Variants in NEMF observed in about 807,000 individuals in gnomAD.
NEMF encodes ribosome quality control complex subunit NEMF.
In NEMF, 89 loss-of-function variants were observed where a neutral mutation model predicts 162.2. The ratio of observed to expected loss-of-function variants is 0.55; its 90% confidence interval spans 0.46 to 0.65. NEMF has a LOEUF of 0.65. NEMF is among the 30% of genes least tolerant of loss of function. The pLI is 0.00. For missense variants in NEMF, 1,133 were observed against 1,261.9 expected, an observed-to-expected ratio of 0.90 and a Z score of 1.55; for synonymous variants, 421 against 404.5, an observed-to-expected ratio of 1.04 and a Z score of -0.49.
chr14:49,823,255 T>C (rs1413237524), intron 16 of NEMF, among the ~76,000 whole-genome samples: 1 of 151,736 alleles, frequency 6.6e-6, no homozygotes, highest in African/African-American at 2.4e-5. Context: ...ATATATATAA[T>C]TTAAAAAAAT....
chr14:49,830,036 T>C (rs1390311638), intron 11 of NEMF, among the ~76,000 whole-genome samples: 1 of 152,242 alleles, frequency 6.6e-6, no homozygotes, highest in African/African-American at 2.4e-5. Flanking sequence ...AGGCTCATGG[T>C]AGTTATTTGG....
At chr14:49,791,049 C>T (rs1192435400) in intron 26 of NEMF, among the ~76,000 whole-genome samples, 1 of 152,062 alleles carries the variant, frequency 6.6e-6, no homozygotes, top group East Asian at 1.9e-4. Flanking sequence ...AAGCATGAGC[C>T]TTCTGGCTGG....
rs1308410275 is a variant in NEMF, at chr14:49,814,060, A to G, written c.1682-10T>C. ...TGTACATAAATGTCTCCTTAAATAC[A>G]GACAAATAAAAAATGACACTTTAAG... On this transcript the variant is annotated splice_polypyrimidine_tract_variant and intron_variant, in intron 17 of 32. Transcript: ENST00000298310. 4 of 1,482,196 alleles carry G rather than the reference A, an allele frequency of 2.7e-6. No homozygotes were observed. The highest frequency in any genetic ancestry group is 3.8e-6 in the Non-Finnish European group (4 of 1,062,844). The allele number at this position is 1,482,196 out of a possible 1,614,324, so 91.8% of individuals were successfully genotyped here.
Position 49,783,484 on chromosome 14 carries a change from C to CAAGT in NEMF, c.*1148_*1151dup, listed in dbSNP as rs1890012622. 1.3e-5 allele frequency: 2 copies of CAAGT among 151,568 alleles called. No individual in the cohort carries two copies. Among genetic ancestry groups the CAAGT allele is most frequent in the Admixed American group, 6.6e-5 (1 of 15,220 alleles). 9.4% of individuals were successfully genotyped at this position (151,568 alleles called of 1,614,324 possible). A position where few individuals can be genotyped will look rare whatever the true frequency, so the allele number is the denominator to read the frequency against. ...TAATGCTTCAGTGTAGGGGCTGGAG[C>CAAGT]AAGTGGTCATGCTGAATACAGGCAG... On this transcript the variant is annotated 3_prime_UTR_variant, in exon 33 of 33. Coordinates refer to ENST00000298310, the MANE Select transcript of NEMF (RefSeq NM_004713.6).
intron 26 of NEMF, among the ~76,000 whole-genome samples, chr14:49,795,336 T>C (rs1361107985): frequency 1.7e-5 from 1 of 58,356 alleles, no homozygotes; most frequent in Non-Finnish European, 3.1e-5. Context: ...CAAGACTATC[T>C]TGGGGGAGCT....
At chr14:49,844,518 T>C (rs1188990342) in intron 4 of NEMF, among the ~76,000 whole-genome samples, 1 of 152,128 alleles carries the variant, frequency 6.6e-6, no homozygotes, top group Non-Finnish European at 1.5e-5. Context: ...GAATGGAGCA[T>C]GCAGGACTGA....
chr14:49,812,942 A>T (rs796619456), intron 18 of NEMF, among the ~76,000 whole-genome samples: 4 of 152,060 alleles, frequency 2.6e-5, no homozygotes, highest in African/African-American at 9.6e-5. Flanking sequence ...CACCCAGCTA[A>T]TTTTTTGTAT....
At position 49,785,285 on chromosome 14, in the gene NEMF, A is replaced by T; in HGVS notation, c.2964T>A (p.His988Gln). ...TGGCAAACAGTAGTACATCTTCAGGATGTGGCTGGCCTGTCAAAGAATCAA... is the reference window on the plus strand; with the variant it reads ...TGGCAAACAGTAGTACATCTTCAGGTTGTGGCTGGCCTGTCAAAGAATCAA... ...NLFDSLTGQP[H>Q]PEDVLLFAIP... The change falls in exon 30 of 33, where the codon CAT (histidine) becomes CAA (glutamine). Residue 988 changes from histidine (H) to glutamine (Q), a missense_variant. His to Gln is a conservative substitution (Grantham distance 24, BLOSUM62 0). Around this residue, in one of 3 missense-constraint regions of NEMF, gnomAD observed 532 missense variants for 578.6 expected, o/e 0.92. Transcript: ENST00000298310. 1 of 1,614,052 alleles carries T rather than the reference A, an allele frequency of 6.2e-7. No individual in the cohort carries two copies. The highest frequency in any genetic ancestry group is 8.5e-7 in the Non-Finnish European group (1 of 1,179,926).
At chr14:49,846,895 CTTTAT>C (rs1566713638) in intron 3 of NEMF, among the ~76,000 whole-genome samples, 2 of 152,124 alleles carry the variant, frequency 1.3e-5, no homozygotes, top group African/African-American at 4.8e-5. Flanking sequence ...TATTTATTTA[CTTTAT>C]TTTGAGAGAG....
chr14:49,837,835 C>CA (rs1892983433), intron 6 of NEMF, among the ~76,000 whole-genome samples: 4 of 128,248 alleles, frequency 3.1e-5, no homozygotes, highest in African/African-American at 1.2e-4. Context: ...AAAAAAAAAC[C>CA]AAAAAAAAAC....
rs768022208 is a variant in NEMF, at chr14:49,783,153, T to TTAAAG, written c.*1478_*1482dup. ...ATTTAACACCAGTAGCTGTCCTCTA[T>TTAAAG]TAAAGTAAAGTAATGGTTGGGCTTT... On this transcript the variant is annotated 3_prime_UTR_variant, in exon 33 of 33. Transcript: ENST00000298310. The TTAAAG allele has an allele frequency of 1.7e-5, 7 of 408,164 alleles. No homozygotes were observed. The highest frequency in any genetic ancestry group is 4.0e-5 in the East Asian group (1 of 25,264). 25.3% of individuals were successfully genotyped at this position (408,164 alleles called of 1,614,324 possible). A position where few individuals can be genotyped will look rare whatever the true frequency, so the allele number is the denominator to read the frequency against.
At chr14:49,813,053 G>A (rs1441514758) in intron 18 of NEMF, among the ~76,000 whole-genome samples, 1 of 152,124 alleles carries the variant, frequency 6.6e-6, no homozygotes, top group Non-Finnish European at 1.5e-5. Flanking sequence ...GGGATTACAG[G>A]TGTGAGTCAC....
intron 6 of NEMF, among the ~76,000 whole-genome samples, chr14:49,835,258 A>T (rs1358066931): frequency 6.6e-6 from 1 of 152,142 alleles, no homozygotes; most frequent in Admixed American, 6.5e-5. Context: ...TCCTTAAAGA[A>T]ATTTGAAACT....
chr14:49,829,163 A>C lies in NEMF; in HGVS notation c.1123T>G (p.Trp375Gly). 1 of 1,614,146 alleles carries C rather than the reference A, an allele frequency of 6.2e-7. No individual in the cohort carries two copies. Among genetic ancestry groups the C allele is most frequent in the Non-Finnish European group, 8.5e-7 (1 of 1,180,000 alleles). Reference protein sequence around the residue: ...VRSALANQIDWTEIGLIVKEA... With the variant: ...VRSALANQIDGTEIGLIVKEA... ...TTCACAATTAACCCAATTTCTGTCC[A>C]ATCTATCTGGTTAGCTAAAGCACTT... The change falls in exon 13 of 33, where the codon TGG becomes GGG. Residue 375 changes from tryptophan to glycine, a missense_variant. Transcript: ENST00000298310.
intron 5 of NEMF, among the ~76,000 whole-genome samples, chr14:49,838,734 G>A (rs557691458): frequency 1.3e-4 from 20 of 151,188 alleles, no homozygotes; most frequent in East Asian, 9.8e-4. Flanking sequence ...ACAGGCGCCC[G>A]CCACCACGCC....
rs76621386 is a variant in NEMF, at chr14:49,828,547, A to T, written c.1424+69T>A. 105 of 1,316,176 alleles carry T rather than the reference A, an allele frequency of 8.0e-5. No individual in the cohort carries two copies. In the East Asian group the frequency reaches 9.1e-4, roughly 11 times the overall value. 81.5% of individuals were successfully genotyped at this position (1,316,176 alleles called of 1,614,324 possible). ...GTACAAGTGAAATTTAAAATTTTTT[A>T]AAATGTCCTTAATTCCTTAATTTAT... On this transcript the variant is annotated intron_variant, in intron 14 of 32. Transcript: ENST00000298310.
chr14:49,803,922 T>A (rs1355016378), intron 19 of NEMF, among the ~76,000 whole-genome samples: 1 of 152,144 alleles, frequency 6.6e-6, no homozygotes, highest in Non-Finnish European at 1.5e-5. Flanking sequence ...AATGAGCTTA[T>A]CATAAAGCTA....
chr14:49,784,889 C>T, intron 32 of NEMF, 36 bp downstream of exon 32: 3 of 1,545,192 alleles, frequency 1.9e-6, no homozygotes, highest in Non-Finnish European at 2.7e-6. Context: ...ATTGTACTGT[C>T]AGTCTCCACA....
intron 5 of NEMF, 94 bp downstream of exon 5, chr14:49,840,624 C>T (rs1183871169): frequency 1.9e-6 from 2 of 1,062,750 alleles, no homozygotes; most frequent in Non-Finnish European, 2.7e-6. Context: ...GACATATGAC[C>T]CATTTTACCT....
Sources: allele counts gnomAD v4.1 joint callset (sites outside exome capture counted in the v4.1 genomes callset), GRCh38; gene constraint gnomAD v4.1.1; regional missense constraint gnomAD v4.1.1; transcripts MANE v1.5; gene names NCBI Gene and HGNC (gene_info 2026-07-23, HGNC 2026-07-21).